The following HDAC9 variants were observed in gnomAD, a reference collection of about 807,000 sequenced individuals.
HDAC9 encodes histone deacetylase 9.
HDAC9 carries 41 observed loss-of-function variants against 139.4 expected under a neutral mutation model. That is an observed-to-expected ratio of 0.29 (90% confidence interval 0.23 to 0.38). The LOEUF (loss-of-function observed/expected upper bound fraction) is 0.38. Among genes scored for constraint, HDAC9 ranks in the 10% least tolerant of loss-of-function variants. The pLI is 1.00. For missense variants in HDAC9, 1,147 were observed against 1,297.0 expected (o/e 0.88, Z 1.78); for synonymous variants, 517 against 476.2 (o/e 1.09, Z -1.12).
chr7:18,657,471 A>C (rs1791603309), intron 11 of HDAC9, among the ~76,000 whole-genome samples: 1 of 152,150 alleles, frequency 6.6e-6, no homozygotes, highest in Non-Finnish European at 1.5e-5. Context: ...CTACTCTTAA[A>C]GAGAAAAGGA....
intron 19 of HDAC9, 60 bp from the exon 20 acceptor site, chr7:18,835,407 G>A (rs753487674): frequency 6.3e-5 from 96 of 1,526,034 alleles, no homozygotes; most frequent in Non-Finnish European, 8.3e-5. Context: ...AATCAGAAAG[G>A]TTGTCTCCAC....
At chr7:18,551,075 G>A (rs1279916663) in intron 2 of HDAC9, among the ~76,000 whole-genome samples, 2 of 152,142 alleles carry the variant, frequency 1.3e-5, no homozygotes, top group East Asian at 1.9e-4. Flanking sequence ...AGAGTCAAAG[G>A]GATTTCCTGA....
intron 1 of HDAC9, among the ~76,000 whole-genome samples, chr7:18,346,126 TA>T (rs2128667669): frequency 6.6e-6 from 1 of 152,274 alleles, no homozygotes; most frequent in Non-Finnish European, 1.5e-5. Context: ...ATCATTTTGC[TA>T]AAGAAAAGTT....
chr7:18,266,751 C>T (rs1018744306), intron 2 of HDAC9, among the ~76,000 whole-genome samples: 1 of 152,100 alleles, frequency 6.6e-6, no homozygotes, highest in Non-Finnish European at 1.5e-5. Context: ...AGCAGTTTTA[C>T]CTGCCATCAC....
intron 1 of HDAC9, among the ~76,000 whole-genome samples, chr7:18,417,886 T>C (rs1789232541): frequency 6.6e-6 from 1 of 152,210 alleles, no homozygotes; most frequent in Non-Finnish European, 1.5e-5. Context: ...GTTCTGTGCC[T>C]GTTCAGCCCT....
chr7:18,099,449 C>T (rs1782710231), intron 1 of HDAC9, among the ~76,000 whole-genome samples: 1 of 151,060 alleles, frequency 6.6e-6, no homozygotes, highest in African/African-American at 2.4e-5. Context: ...GCCTGGGCGA[C>T]AGAGTGAGAC....
chr7:18,272,318 C>A (rs1384528467), intron 2 of HDAC9, among the ~76,000 whole-genome samples: 1 of 152,156 alleles, frequency 6.6e-6, no homozygotes, highest in Admixed American at 6.6e-5. Flanking sequence ...TTAACTCTTT[C>A]TTGACGGGGG....
chr7:18,994,375 T>TAAAATCTTTCTTCTTTGA lies in HDAC9; in HGVS notation c.3171-1646_3171-1629dup, dbSNP rs1786283015. ...CAAAACTTAAATGTCTTCCTTAATT[T>TAAAATCTTTCTTCTTTGA]AAAATCTTTCTTCTTTGAATGCTGA... On this transcript the variant is annotated intron_variant, in intron 25 of 25. Coordinates refer to ENST00000686413, the MANE Select transcript of HDAC9 (RefSeq NM_178425.4). Among the ~76,000 whole-genome samples, 2 of 152,256 alleles carry TAAAATCTTTCTTCTTTGA rather than the reference T, an allele frequency of 1.3e-5. 1 individual carries two copies. The highest frequency in any genetic ancestry group is 1.3e-4 in the Admixed American group (2 of 15,294).
intron 2 of HDAC9, among the ~76,000 whole-genome samples, chr7:18,532,288 A>G (rs1312017639): frequency 6.6e-6 from 1 of 152,050 alleles, no homozygotes; most frequent in Non-Finnish European, 1.5e-5. Context: ...AAAAAACCAC[A>G]AAGAATTAAA....
intron 2 of HDAC9, chr7:18,260,447 T>C (rs1294015967): frequency 6.6e-6 from 1 of 151,334 alleles, no homozygotes; most frequent in African/African-American, 2.4e-5. Flanking sequence ...GCCTTCCGAG[T>C]AGCTGGGACT....
chr7:18,190,487 C>A (rs1168977944), intron 2 of HDAC9, among the ~76,000 whole-genome samples: 1 of 152,062 alleles, frequency 6.6e-6, no homozygotes, highest in Non-Finnish European at 1.5e-5. Context: ...GGGGCTATAT[C>A]CTGATAAACC....
At chr7:18,937,305 T>G (rs1781713060) in intron 23 of HDAC9, among the ~76,000 whole-genome samples, 1 of 152,166 alleles carries the variant, frequency 6.6e-6, no homozygotes, top group Non-Finnish European at 1.5e-5. Flanking sequence ...CCCAAAGTGC[T>G]GGAATTACAG....
At position 18,496,097 on chromosome 7, in the gene HDAC9, C is replaced by T. The variant is rs370258649; in HGVS notation, c.-42+74C>T. On this transcript the variant is annotated intron_variant, in intron 1 of 25. Transcript: ENST00000686413. ...ATTTGAGCAGAAAGGAAATCATTGT[C>T]GAAGTTGATCCTCTGCTGCTTCTCC... The T allele has an allele frequency of 1.2e-4, 166 of 1,402,530 alleles. 2 individuals carry two copies. In the East Asian group the frequency reaches 2.5e-3, roughly 21 times the overall value. The allele number at this position is 1,402,530 out of a possible 1,614,324, so 86.9% of individuals were successfully genotyped here. A position where few individuals can be genotyped will look rare whatever the true frequency, so the allele number is the denominator to read the frequency against.
At chr7:18,584,462 G>C (rs572402152) in intron 2 of HDAC9, among the ~76,000 whole-genome samples, 188 of 152,052 alleles carry the variant, frequency 1.2e-3, no homozygotes, top group African/African-American at 4.4e-3. Context: ...AAGAGTTTTT[G>C]CTAAGAATTT....
chr7:18,347,895 T>C, intron 1 of HDAC9, among the ~76,000 whole-genome samples: 1 of 152,168 alleles, frequency 6.6e-6, no homozygotes, highest in East Asian at 1.9e-4. Flanking sequence ...GTTTTTAATC[T>C]GTATCTCAGT....
chr7:18,871,331 A>C (rs1200605515), intron 21 of HDAC9, among the ~76,000 whole-genome samples: 1 of 152,106 alleles, frequency 6.6e-6, no homozygotes, highest in South Asian at 2.1e-4. Context: ...ATTTTCCCTG[A>C]TGCAGTGCTG....
upstream of HDAC9, among the ~76,000 whole-genome samples, chr7:18,493,340 A>T (rs1431752355): frequency 1.3e-5 from 2 of 151,988 alleles, no homozygotes; most frequent in African/African-American, 4.8e-5. Flanking sequence ...TCCATTTTTC[A>T]TCAGTAGATC....
intron 13 of HDAC9, among the ~76,000 whole-genome samples, chr7:18,738,519 A>G (rs1787138358): frequency 6.6e-6 from 1 of 152,152 alleles, no homozygotes; most frequent in South Asian, 2.1e-4. Context: ...TCACTTATAA[A>G]GCTTAGTTTG....
At chr7:18,169,580 A>G (rs1305367189) in intron 2 of HDAC9, among the ~76,000 whole-genome samples, 1 of 151,944 alleles carries the variant, frequency 6.6e-6, no homozygotes, top group Non-Finnish European at 1.5e-5. Flanking sequence ...CATTTACATT[A>G]GATATTTCTC....
Sources: allele counts gnomAD v4.1 joint callset (sites outside exome capture counted in the v4.1 genomes callset), GRCh38; gene constraint gnomAD v4.1.1; transcripts MANE v1.5; gene names NCBI Gene and HGNC (gene_info 2026-07-23, HGNC 2026-07-21).